Variants in DCC observed in about 807,000 individuals in gnomAD.
DCC encodes the protein DCC netrin 1 receptor.
In DCC, 58 loss-of-function variants were observed where a neutral mutation model predicts 172.5. That is an observed-to-expected ratio of 0.34 (90% CI 0.27 to 0.42). The LOEUF (loss-of-function observed/expected upper bound fraction) is 0.42, where lower values mean the gene tolerates loss of function less well. DCC is among the 10% of genes least tolerant of loss of function. The pLI is 1.00. For synonymous variants in DCC, 709 were observed against 644.5 expected, an observed-to-expected ratio of 1.10 and a Z score of -1.52; for missense variants, 1,740 against 1,791.0, an observed-to-expected ratio of 0.97 and a Z score of 0.51.
chr18:53,145,348 C>G (rs947521535), intron 7 of DCC, among the ~76,000 whole-genome samples: 2 of 151,982 alleles, frequency 1.3e-5, no homozygotes, highest in African/African-American at 4.8e-5. Flanking sequence ...CTCCTGGCCT[C>G]GTGATCCGCC....
At chr18:53,175,011 G>T (rs1439417546) in intron 8 of DCC, among the ~76,000 whole-genome samples, 2 of 151,772 alleles carry the variant, frequency 1.3e-5, no homozygotes, top group Non-Finnish European at 1.5e-5. Flanking sequence ...GGGATGCAAG[G>T]CTGGTTCAAT....
At chr18:52,909,682 G>A (rs182390429) in intron 3 of DCC, among the ~76,000 whole-genome samples, 7 of 152,018 alleles carry the variant, frequency 4.6e-5, no homozygotes, top group African/African-American at 1.5e-4. Context: ...GTCTTTCAGC[G>A]ACCAGTTTCA....
chr18:53,049,166 T>C (rs983835630), intron 5 of DCC, among the ~76,000 whole-genome samples: 1 of 144,254 alleles, frequency 6.9e-6, no homozygotes, highest in Non-Finnish European at 1.5e-5. Flanking sequence ...TTTCTTTTCA[T>C]GCAGAGGCTC....
At chr18:53,377,373 G>GAGAGAGAC (rs1160637003) in intron 15 of DCC, among the ~76,000 whole-genome samples, 2 of 151,808 alleles carry the variant, frequency 1.3e-5, no homozygotes, top group African/African-American at 2.4e-5. Flanking sequence ...GAGAGAGAGA[G>GAGAGAGAC]AGAGAGAGAG....
chr18:52,463,704 G>A (rs1451243138), intron 1 of DCC, among the ~76,000 whole-genome samples: 1 of 152,128 alleles, frequency 6.6e-6, no homozygotes, highest in Non-Finnish European at 1.5e-5. Flanking sequence ...TTTTTCAAAT[G>A]CACACTCTGT....
At chr18:52,483,877 C>A (rs1451221920) in intron 1 of DCC, among the ~76,000 whole-genome samples, 1 of 151,894 alleles carries the variant, frequency 6.6e-6, no homozygotes, top group Non-Finnish European at 1.5e-5. Context: ...CTTTTATTAT[C>A]TTTTCTCACC....
At chr18:53,351,331 TACAGTGTATATATATATACAC>T (rs2057795868) in intron 15 of DCC, among the ~76,000 whole-genome samples, 1 of 47,706 alleles carries the variant, frequency 2.1e-5, no homozygotes, top group Non-Finnish European at 4.1e-5. Flanking sequence ...TATATATATA[TACAGTGTATATATATATACAC>T]AGTATATATA....
chr18:52,906,093 A>G lies in DCC; in HGVS notation c.462A>G (p.Gly154=), dbSNP rs1162754362. 6.2e-7 allele frequency: 1 copy of G among 1,612,614 alleles called. No individual in the cohort carries two copies. The highest frequency in any genetic ancestry group is 1.7e-5 in the Admixed American group (1 of 60,008). ...CAGAATCTGTCACAGCCTTCATGGG[A>G]GACACAGTGCTACTCAAGTGTGAAG... ...SQTESVTAFM[G]DTVLLKCEVI... Residue 154 remains glycine (G), a synonymous_variant, in exon 3 of 29, where the codon GGA becomes GGG. Coordinates refer to ENST00000442544, the MANE Select transcript of DCC (RefSeq NM_005215.4).
intron 5 of DCC, among the ~76,000 whole-genome samples, chr18:52,976,036 T>G (rs2041111764): frequency 6.6e-6 from 1 of 152,174 alleles, no homozygotes; most frequent in African/African-American, 2.4e-5. Flanking sequence ...TTTTGACTTT[T>G]CACTAGTAGC....
At chr18:53,513,846 T>A (rs1273835700) in intron 27 of DCC, among the ~76,000 whole-genome samples, 3 of 149,858 alleles carry the variant, frequency 2.0e-5, no homozygotes, top group Non-Finnish European at 4.4e-5. Flanking sequence ...CGACTTAGAC[T>A]CCCACACATT....
chr18:53,292,380 T>C (rs1418224309), intron 12 of DCC, among the ~76,000 whole-genome samples: 1 of 151,684 alleles, frequency 6.6e-6, no homozygotes, highest in African/African-American at 2.4e-5. Flanking sequence ...TATGGGAAAA[T>C]TTACTATTTA....
At chr18:53,181,437 G>A (rs1290725122) in intron 9 of DCC, among the ~76,000 whole-genome samples, 9 of 128,258 alleles carry the variant, frequency 7.0e-5, no homozygotes, top group African/African-American at 2.1e-4. Flanking sequence ...TAACACCAAC[G>A]TTCCCAAGCC....
intron 1 of DCC, among the ~76,000 whole-genome samples, chr18:52,660,018 G>A (rs1036866538): frequency 4.3e-4 from 65 of 152,280 alleles, no homozygotes; most frequent in African/African-American, 1.5e-3. Context: ...GCTTGAAAAT[G>A]ATGCAGAATT....
At chr18:53,315,502 G>C (rs956515809) in intron 13 of DCC, among the ~76,000 whole-genome samples, 3 of 152,062 alleles carry the variant, frequency 2.0e-5, no homozygotes, top group African/African-American at 4.8e-5. Flanking sequence ...TGGGTCAATT[G>C]GTATTTCTGA....
chr18:52,678,182 C>T (rs1343035769), intron 1 of DCC, among the ~76,000 whole-genome samples: 1 of 152,078 alleles, frequency 6.6e-6, no homozygotes, highest in Non-Finnish European at 1.5e-5. Context: ...CTCAAACTGC[C>T]CCAGGCTGCT....
At chr18:52,369,743 T>A (rs1398052912) in intron 1 of DCC, among the ~76,000 whole-genome samples, 1 of 152,132 alleles carries the variant, frequency 6.6e-6, no homozygotes, top group African/African-American at 2.4e-5. Flanking sequence ...TTGATCCTCA[T>A]TGATGAGGTT....
At chr18:52,836,815 A>C (rs947691255) in intron 2 of DCC, among the ~76,000 whole-genome samples, 1 of 152,174 alleles carries the variant, frequency 6.6e-6, no homozygotes, top group Non-Finnish European at 1.5e-5. Context: ...GCAGTGCCCC[A>C]CTGGAGACTC....
At chr18:52,942,981 TAG>T (rs1400822306) in intron 5 of DCC, among the ~76,000 whole-genome samples, 1 of 152,234 alleles carries the variant, frequency 6.6e-6, no homozygotes, top group African/African-American at 2.4e-5. Flanking sequence ...AATTTAATGG[TAG>T]ATATAAAATA....
At chr18:52,459,634 A>AT (rs1988566397) in intron 1 of DCC, among the ~76,000 whole-genome samples, 1 of 151,470 alleles carries the variant, frequency 6.6e-6, no homozygotes, top group Non-Finnish European at 1.5e-5. Context: ...CGCCCGGCTA[A>AT]TTTTTTTGTA....
Sources: allele counts gnomAD v4.1 joint callset (sites outside exome capture counted in the v4.1 genomes callset), GRCh38; gene constraint gnomAD v4.1.1; transcripts MANE v1.5; gene names NCBI Gene and HGNC (gene_info 2026-07-23, HGNC 2026-07-21).